PRKCE: variants seen among roughly 807,000 people sequenced by gnomAD.
PRKCE encodes the protein protein kinase C epsilon type.
A neutral mutation model predicts 85.4 loss-of-function variants in PRKCE; 16 were observed. That is an observed-to-expected ratio of 0.19 (90% confidence interval 0.13 to 0.28). The LOEUF (loss-of-function observed/expected upper bound fraction) is 0.28, where lower values mean the gene tolerates loss of function less well. Among genes scored for constraint, PRKCE ranks in the 10% least tolerant of loss-of-function variants. PRKCE has a pLI of 1.00. For synonymous variants in PRKCE, 388 were observed against 371.5 expected, an observed-to-expected ratio of 1.04 and a Z score of -0.51; for missense variants, 573 against 975.2, an observed-to-expected ratio of 0.59 and a Z score of 5.49.
At chr2:46,119,644 A>G (rs771948005) in intron 11 of PRKCE, among the ~76,000 whole-genome samples, 20 of 152,292 alleles carry the variant, frequency 1.3e-4, no homozygotes, top group South Asian at 4.1e-4. Context: ...CCAGCAATTT[A>G]TCTCCCAGAA....
At chr2:46,066,758 G>A (rs1307547287) in intron 10 of PRKCE, among the ~76,000 whole-genome samples, 1 of 152,204 alleles carries the variant, frequency 6.6e-6, no homozygotes, top group Non-Finnish European at 1.5e-5. Flanking sequence ...CAGACAGGAG[G>A]AGAAGAGTTA....
chr2:45,952,444 C>T (rs1302274240), intron 2 of PRKCE, among the ~76,000 whole-genome samples: 3 of 152,152 alleles, frequency 2.0e-5, no homozygotes, highest in Non-Finnish European at 4.4e-5. Flanking sequence ...CCTCCTTTTG[C>T]TGGAAGTATA....
At position 45,994,771 on chromosome 2, in the gene PRKCE, C is replaced by T. The variant is rs115587267; in HGVS notation, c.824-6633C>T. ...ATCCATGTGCGGGTTTTTATATGAA[C>T]ATAACTCTTCACCTCATTTGGGTAA... On this transcript the variant is annotated intron_variant, in intron 6 of 14. Transcript: ENST00000306156. Among the ~76,000 whole-genome samples, 175 of 152,270 alleles carry T rather than the reference C, an allele frequency of 1.1e-3. 1 individual carries two copies. The highest frequency in any genetic ancestry group is 3.9e-3 in the African/African-American group (163 of 41,548).
At chr2:45,727,381 A>G (rs1439403649) in intron 1 of PRKCE, among the ~76,000 whole-genome samples, 1 of 152,222 alleles carries the variant, frequency 6.6e-6, no homozygotes, top group Non-Finnish European at 1.5e-5. Flanking sequence ...CAGTGCACAA[A>G]AGTGGGAGTG....
At chr2:45,897,506 T>G (rs756315171) in intron 2 of PRKCE, among the ~76,000 whole-genome samples, 8 of 152,238 alleles carry the variant, frequency 5.3e-5, no homozygotes, top group Non-Finnish European at 1.2e-4. Flanking sequence ...GTAGGTCAAA[T>G]GGATGAAAGA....
intron 14 of PRKCE, among the ~76,000 whole-genome samples, chr2:46,170,457 T>G (rs73929406): frequency 0.013 from 1,926 of 152,334 alleles, 43 homozygotes; most frequent in African/African-American, 0.044. Context: ...CAATTAGCAA[T>G]GCACAGTAAT....
chr2:45,756,068 A>G (rs567262717), intron 1 of PRKCE, among the ~76,000 whole-genome samples: 1 of 152,322 alleles, frequency 6.6e-6, no homozygotes, highest in Non-Finnish European at 1.5e-5. Flanking sequence ...CACACAATGA[A>G]CTGCCAAGGA....
chr2:45,684,791 G>C (rs890194158), intron 1 of PRKCE, among the ~76,000 whole-genome samples: 1 of 152,214 alleles, frequency 6.6e-6, no homozygotes, highest in Non-Finnish European at 1.5e-5. Context: ...AAGGGGTAGT[G>C]TGCGCATCCA....
At chr2:45,780,300 G>C (rs1212090911) in intron 1 of PRKCE, among the ~76,000 whole-genome samples, 1 of 151,364 alleles carries the variant, frequency 6.6e-6, no homozygotes, top group Admixed American at 6.6e-5. Context: ...TTCTTTTTTT[G>C]TTTTTGCCAT....
intron 1 of PRKCE, among the ~76,000 whole-genome samples, chr2:45,810,440 C>G (rs912220982): frequency 1.3e-5 from 2 of 152,060 alleles, no homozygotes; most frequent in Non-Finnish European, 2.9e-5. Flanking sequence ...AATGAGGGAA[C>G]CAGTAAGATG....
chr2:45,869,676 C>CTTTTTG (rs966574537), intron 2 of PRKCE, among the ~76,000 whole-genome samples: 1 of 137,526 alleles, frequency 7.3e-6, no homozygotes, highest in African/African-American at 2.7e-5. Flanking sequence ...TTACATTTTT[C>CTTTTTG]TTTTTGTTTT....
chr2:46,031,891 G>A (rs1209609463), intron 10 of PRKCE, among the ~76,000 whole-genome samples: 1 of 152,064 alleles, frequency 6.6e-6, no homozygotes, highest in African/African-American at 2.4e-5. Context: ...GAGAGAATGC[G>A]AACTTATTTT....
intron 2 of PRKCE, among the ~76,000 whole-genome samples, chr2:45,882,436 T>C (rs1191580461): frequency 2.0e-5 from 3 of 152,216 alleles, no homozygotes; most frequent in Admixed American, 6.5e-5. Context: ...TGAAGCCTCA[T>C]TGGATGAGTT....
chr2:45,955,589 C>A (rs1700917943), intron 2 of PRKCE, among the ~76,000 whole-genome samples: 2 of 152,128 alleles, frequency 1.3e-5, no homozygotes, highest in South Asian at 4.1e-4. Context: ...GAGTTTGAGG[C>A]AGAAGGATCG....
chr2:45,985,835 G>A (rs1442728656), intron 6 of PRKCE, among the ~76,000 whole-genome samples: 2 of 152,238 alleles, frequency 1.3e-5, no homozygotes, highest in African/African-American at 2.4e-5. Context: ...CGAGGTGCCC[G>A]TGGCAAATTG....
intron 2 of PRKCE, among the ~76,000 whole-genome samples, chr2:45,932,546 C>G (rs894167148): frequency 6.6e-6 from 1 of 152,214 alleles, no homozygotes; most frequent in Non-Finnish European, 1.5e-5. Context: ...CCAGTTGCTT[C>G]ACAACCCTGC....
At chr2:46,059,068 G>A (rs976491620) in intron 10 of PRKCE, among the ~76,000 whole-genome samples, 28 of 152,164 alleles carry the variant, frequency 1.8e-4, no homozygotes, top group African/African-American at 6.3e-4. Flanking sequence ...CCTGTAACGT[G>A]GCAAGACCGT....
At chr2:45,692,029 T>G (rs1461908537) in intron 1 of PRKCE, among the ~76,000 whole-genome samples, 1 of 152,200 alleles carries the variant, frequency 6.6e-6, no homozygotes, top group Non-Finnish European at 1.5e-5. Context: ...TCAGAGGTTA[T>G]TTTTTTAAAA....
intron 2 of PRKCE, among the ~76,000 whole-genome samples, chr2:45,951,115 C>A (rs1463978063): frequency 6.6e-6 from 1 of 152,164 alleles, no homozygotes; most frequent in Non-Finnish European, 1.5e-5. Flanking sequence ...ATCGTGTTAT[C>A]CGGTGCTGCT....
Sources: gnomAD v4.1 joint callset for allele counts (sites outside exome capture counted in the v4.1 genomes callset) on GRCh38, gnomAD v4.1.1 for gene constraint, MANE v1.5 for transcripts, NCBI Gene and HGNC (gene_info 2026-07-23, HGNC 2026-07-21) for gene names.